AGAP1: variants seen among roughly 807,000 people sequenced by gnomAD.
AGAP1 encodes the protein arf-GAP with GTPase, ANK repeat and PH domain-containing protein 1.
In AGAP1, 29 loss-of-function variants were observed where a neutral mutation model predicts 105.3. The ratio of observed to expected loss-of-function variants is 0.28; its 90% CI spans 0.21 to 0.38. AGAP1 has a LOEUF of 0.38. AGAP1 is among the 10% of genes least tolerant of loss of function. AGAP1 has a pLI of 1.00. For missense variants in AGAP1, 998 were observed against 1,165.1 expected (o/e 0.86, Z 2.09); for synonymous variants, 509 against 485.9 (o/e 1.05, Z -0.63).
At chr2:235,677,862 ATATT>A (rs1458107901) in intron 1 of AGAP1, among the ~76,000 whole-genome samples, 5 of 123,638 alleles carry the variant, frequency 4.0e-5, no homozygotes, top group African/African-American at 1.6e-4. Flanking sequence ...CGAGAGAAGA[ATATT>A]TATCCAGTTT....
chr2:236,098,857 G>C (rs1256578601), intron 16 of AGAP1, among the ~76,000 whole-genome samples: 1 of 151,526 alleles, frequency 6.6e-6, no homozygotes, highest in African/African-American at 2.4e-5. Flanking sequence ...TCTTGGCTTC[G>C]AGTGATCTTG....
chr2:235,606,285 C>A (rs190259553), intron 1 of AGAP1, among the ~76,000 whole-genome samples: 7 of 152,180 alleles, frequency 4.6e-5, no homozygotes, highest in Non-Finnish European at 1.0e-4. Flanking sequence ...GCCTTCTGTT[C>A]TCCACAACAG....
At chr2:235,832,057 C>T (rs1959479416) in intron 9 of AGAP1, among the ~76,000 whole-genome samples, 2 of 152,144 alleles carry the variant, frequency 1.3e-5, no homozygotes, top group South Asian at 4.1e-4. Flanking sequence ...TACCTAATGA[C>T]ATATAATGTG....
intron 1 of AGAP1, among the ~76,000 whole-genome samples, chr2:235,564,195 A>G (rs539138587): frequency 1.3e-5 from 2 of 152,302 alleles, no homozygotes; most frequent in East Asian, 3.9e-4. Flanking sequence ...TCCTAAAGTG[A>G]TCTGGCTGCT....
chr2:235,841,767 T>G (rs1368436242), intron 9 of AGAP1, among the ~76,000 whole-genome samples: 1 of 152,214 alleles, frequency 6.6e-6, no homozygotes, highest in Non-Finnish European at 1.5e-5. Context: ...AAGGGACGAT[T>G]CCTTCCAGAC....
At chr2:236,116,509 C>G (rs181199458) in intron 16 of AGAP1, among the ~76,000 whole-genome samples, 1 of 151,562 alleles carries the variant, frequency 6.6e-6, no homozygotes, top group African/African-American at 2.4e-5. Context: ...GCCACCACAC[C>G]GGCTAATTTT....
At chr2:236,106,195 A>C (rs2059486431) in intron 16 of AGAP1, among the ~76,000 whole-genome samples, 1 of 152,206 alleles carries the variant, frequency 6.6e-6, no homozygotes, top group South Asian at 2.1e-4. Flanking sequence ...CACATACCGG[A>C]ATCAGTGTGG....
chr2:235,778,204 A>G (rs988741680), intron 6 of AGAP1, among the ~76,000 whole-genome samples: 1 of 152,062 alleles, frequency 6.6e-6, no homozygotes, highest in African/African-American at 2.4e-5. Context: ...CTTGAGCACC[A>G]GGTTGTATTG....
chr2:235,681,323 G>T (rs1337294971), intron 1 of AGAP1, among the ~76,000 whole-genome samples: 1 of 152,050 alleles, frequency 6.6e-6, no homozygotes, highest in Admixed American at 6.6e-5. Context: ...TAGCCCTTTT[G>T]ACACACTCTA....
In AGAP1 at chr2:236,119,578, C is replaced by G. The variant is rs1230281268; in HGVS notation, c.2115-614C>G. On this transcript the variant is annotated intron_variant, in intron 16 of 17. Transcript: ENST00000304032. This position sits in a 1 kb window ranked among gnomAD's most constrained non-coding sequence, Gnocchi z 6.6. ...GGGAGCGCACCGGCTGTCCCTTCCC[C>G]CCACCCCCGGCCCAGCTCCAGCCAA... Among the ~76,000 whole-genome samples, 5 of 146,080 alleles carry G rather than the reference C, an allele frequency of 3.4e-5. No homozygotes were observed. Among genetic ancestry groups the G allele is most frequent in the African/African-American group, 1.2e-4 (5 of 40,064 alleles).
intron 16 of AGAP1, among the ~76,000 whole-genome samples, chr2:236,107,297 T>C (rs560823595): frequency 6.6e-6 from 1 of 152,310 alleles, no homozygotes; most frequent in East Asian, 1.9e-4. Context: ...GGGTGCTTCC[T>C]GAGTGCTTGG....
intron 1 of AGAP1, among the ~76,000 whole-genome samples, chr2:235,646,917 C>G (rs775061498): frequency 6.6e-6 from 1 of 152,084 alleles, no homozygotes. Flanking sequence ...GGGTGGATCA[C>G]GAGGTCAGGA....
intron 16 of AGAP1, among the ~76,000 whole-genome samples, chr2:236,088,916 C>T (rs563969488): frequency 6.6e-6 from 1 of 152,126 alleles, no homozygotes; most frequent in Non-Finnish European, 1.5e-5. Context: ...ACAGGGCATT[C>T]GATCATGATG....
At chr2:235,756,822 C>G (rs975066726) in intron 6 of AGAP1, among the ~76,000 whole-genome samples, 2 of 152,142 alleles carry the variant, frequency 1.3e-5, no homozygotes, top group Non-Finnish European at 2.9e-5. Flanking sequence ...TAATGCCTGA[C>G]GAGCTGAGGT....
chr2:235,898,028 G>T (rs905597682), intron 10 of AGAP1, among the ~76,000 whole-genome samples: 1 of 152,172 alleles, frequency 6.6e-6, no homozygotes, highest in Non-Finnish European at 1.5e-5. Flanking sequence ...CCCCCTCGAT[G>T]GCTGGGAGGG....
rs1471285483 is a variant in AGAP1 at position 235,689,656 on chromosome 2, A to T, written c.164-19523A>T. On this transcript the variant is annotated intron_variant, in intron 1 of 17. Transcript: ENST00000304032. This position sits in a 1 kb window ranked among gnomAD's most constrained non-coding sequence, Gnocchi z 4.2. ...ACCATAGGGACCTCCCCTAACCTCA[A>T]ATCTGTGTAATGAAGTATCTGCAAC... Among the ~76,000 whole-genome samples, 1 of 152,218 alleles carries T rather than the reference A, an allele frequency of 6.6e-6. No individual in the cohort carries two copies. Among genetic ancestry groups the T allele is most frequent in the African/African-American group, 2.4e-5 (1 of 41,460 alleles).
chr2:235,916,629 G>A (rs531082052), intron 11 of AGAP1, among the ~76,000 whole-genome samples: 16 of 152,276 alleles, frequency 1.1e-4, no homozygotes, highest in Non-Finnish European at 1.9e-4. Flanking sequence ...CAGCTTCCTT[G>A]TTTTTAAAAT....
At chr2:235,730,476 T>TAAA (rs1399728207) in intron 3 of AGAP1, among the ~76,000 whole-genome samples, 26 of 81,350 alleles carry the variant, frequency 3.2e-4, no homozygotes, top group African/African-American at 1.1e-3. Context: ...TGTTTACCTT[T>TAAA]TAAAAAAAAA....
chr2:235,785,979 G>A (rs531458330), intron 6 of AGAP1, among the ~76,000 whole-genome samples: 1 of 152,326 alleles, frequency 6.6e-6, no homozygotes, highest in South Asian at 2.1e-4. Context: ...GGAGCCTCAC[G>A]TGCAGATTGA....
Sources: allele counts gnomAD v4.1 joint callset (sites outside exome capture counted in the v4.1 genomes callset), GRCh38; gene constraint gnomAD v4.1.1; non-coding constraint Gnocchi (gnomAD v3.1); transcripts MANE v1.5; gene names NCBI Gene and HGNC (gene_info 2026-07-23, HGNC 2026-07-21).